MARCHF11: variants seen among roughly 807,000 people sequenced by gnomAD.
MARCHF11 encodes membrane associated ring-CH-type finger 11.
A neutral mutation model predicts 37.3 loss-of-function variants in MARCHF11; 29 were observed. The observed-to-expected ratio is 0.78, with a 90% CI of 0.58 to 1.06. The LOEUF (loss-of-function observed/expected upper bound fraction) is 1.06, where lower values mean the gene tolerates loss of function less well. MARCHF11 is among the 50% of genes least tolerant of loss of function. The pLI is 0.00. For missense variants in MARCHF11, 482 were observed against 533.4 expected (o/e 0.90, Z 0.95); for synonymous variants, 233 against 228.0 (o/e 1.02, Z -0.20).
intron 3 of MARCHF11, among the ~76,000 whole-genome samples, chr5:16,072,442 C>T (rs1237394750): frequency 1.3e-5 from 2 of 151,744 alleles, no homozygotes; most frequent in East Asian, 3.9e-4. Context: ...GAGCATGGGG[C>T]CTGCATGATG....
At chr5:16,131,002 G>A (rs1240269933) in intron 2 of MARCHF11, among the ~76,000 whole-genome samples, 4 of 152,100 alleles carry the variant, frequency 2.6e-5, no homozygotes, top group Non-Finnish European at 5.9e-5. Context: ...ATATTTACAC[G>A]TGCCTTTAAA....
chr5:16,117,994 G>A (rs1737248515), intron 2 of MARCHF11, among the ~76,000 whole-genome samples: 1 of 152,220 alleles, frequency 6.6e-6, no homozygotes, highest in Admixed American at 6.5e-5. Context: ...GAGGAACTAT[G>A]TTTGGGAGTT....
chr5:16,073,981 A>C (rs1171299990), intron 3 of MARCHF11, among the ~76,000 whole-genome samples: 2 of 152,230 alleles, frequency 1.3e-5, no homozygotes, highest in African/African-American at 4.8e-5. Flanking sequence ...ATTCTCCAAG[A>C]TAGACCATAT....
At chr5:16,114,276 T>A (rs1402088348) in intron 2 of MARCHF11, among the ~76,000 whole-genome samples, 1 of 152,216 alleles carries the variant, frequency 6.6e-6, no homozygotes, top group Admixed American at 6.5e-5. Context: ...ATATTTTATA[T>A]CGAGAGTATT....
At chr5:16,101,157 C>T (rs1280476245) in intron 2 of MARCHF11, among the ~76,000 whole-genome samples, 1 of 152,144 alleles carries the variant, frequency 6.6e-6, no homozygotes, top group Admixed American at 6.5e-5. Context: ...CATGTTATCT[C>T]CTATTTGACT....
chr5:16,099,083 T>A (rs180824695), intron 2 of MARCHF11, among the ~76,000 whole-genome samples: 323 of 152,080 alleles, frequency 2.1e-3, no homozygotes, highest in African/African-American at 7.2e-3. Flanking sequence ...ATTTTCTTTG[T>A]AAAAAGAGGA....
At chr5:16,178,069 A>G (rs907580095) in intron 1 of MARCHF11, among the ~76,000 whole-genome samples, 188 bp from the exon 2 acceptor site, 5 of 152,262 alleles carry the variant, frequency 3.3e-5, no homozygotes, top group Admixed American at 3.3e-4. Flanking sequence ...TTTCAAAGAC[A>G]TTGCTTAGAG....
At chr5:16,074,273 T>G (rs1736480117) in intron 3 of MARCHF11, among the ~76,000 whole-genome samples, 1 of 152,180 alleles carries the variant, frequency 6.6e-6, no homozygotes, top group Non-Finnish European at 1.5e-5. Context: ...GGAAAGTTCA[T>G]AGCATTAAAT....
chr5:16,116,464 C>A (rs1737228025), intron 2 of MARCHF11, among the ~76,000 whole-genome samples: 1 of 152,042 alleles, frequency 6.6e-6, no homozygotes, highest in Admixed American at 6.6e-5. Context: ...TCAGTGTTAC[C>A]CCCACCCTCT....
intron 3 of MARCHF11, 115 bp downstream of exon 3, chr5:16,090,774 A>C: frequency 1.4e-5 from 11 of 759,470 alleles, no homozygotes; most frequent in Non-Finnish European, 1.9e-5. Context: ...CATTAACAGG[A>C]GAACTGAGAT....
At chr5:16,158,384 GATGA>G (rs1738014310) in intron 2 of MARCHF11, among the ~76,000 whole-genome samples, 1 of 151,920 alleles carries the variant, frequency 6.6e-6, no homozygotes, top group African/African-American at 2.4e-5. Context: ...TTCATCAACA[GATGA>G]ATGAATAAAG....
chr5:16,174,816 T>C (rs982263125), intron 2 of MARCHF11, among the ~76,000 whole-genome samples: 4 of 152,082 alleles, frequency 2.6e-5, no homozygotes, highest in African/African-American at 7.2e-5. Flanking sequence ...CTAACTCCTA[T>C]GGGGGATAAA....
intron 2 of MARCHF11, among the ~76,000 whole-genome samples, chr5:16,106,979 T>C (rs1737051736): frequency 6.6e-6 from 1 of 152,186 alleles, no homozygotes. Flanking sequence ...AGGTGGCCCA[T>C]TACTCATGGA....
intron 2 of MARCHF11, among the ~76,000 whole-genome samples, chr5:16,176,409 A>T (rs1204049981): frequency 6.6e-6 from 1 of 152,208 alleles, no homozygotes; most frequent in Non-Finnish European, 1.5e-5. Flanking sequence ...TTTCAAGACA[A>T]CTATGATGGA....
In MARCHF11 at chr5:16,067,322, A is replaced by T. The variant is rs6554909; in HGVS notation, c.*149T>A. The T allele has an allele frequency of 0.022, 14,702 of 682,944 alleles. 1,337 individuals carry two copies. In the African/African-American group the frequency reaches 0.22, roughly 10 times the overall value. 42.3% of individuals were successfully genotyped at this position (682,944 alleles called of 1,614,324 possible). The stretch of plus-strand genomic sequence containing the variant: ...CAAGAGGACTCTTTTTCTCAGAAAA[A>T]TGTATTTGCAATTCAAATGTTCATA... On this transcript the variant is annotated 3_prime_UTR_variant, in exon 4 of 4. Transcript: ENST00000332432.
At chr5:16,091,183 T>C (rs754459306) in intron 2 of MARCHF11, 102 bp from the exon 3 acceptor site, 2 of 876,590 alleles carry the variant, frequency 2.3e-6, no homozygotes, top group Admixed American at 7.1e-5. Context: ...GTTAGACCCT[T>C]TGAAATCTGA....
At position 16,177,773 on chromosome 5, in the gene MARCHF11, A is replaced by G; in HGVS notation, c.646T>C (p.Cys216Arg). Residue 216 changes from cysteine (C) to arginine (R), a missense_variant, in exon 2 of 4, where the codon TGT becomes CGT. Cys to Arg is a radical substitution (Grantham distance 180). Transcript: ENST00000332432. ...ERGSWTCELC[C>R]YRYHVIAIKM... ...ATGGCTATAACATGGTATCTATAAC[A>G]GCAAAGTTCACAGGTCCAGGAACCT... 6.2e-7 allele frequency: 1 copy of G among 1,613,858 alleles called. No homozygotes were observed. Among genetic ancestry groups the G allele is most frequent in the Non-Finnish European group, 8.5e-7 (1 of 1,179,832 alleles).
chr5:16,112,392 G>A (rs888596022), intron 2 of MARCHF11, among the ~76,000 whole-genome samples: 2 of 152,206 alleles, frequency 1.3e-5, no homozygotes, highest in African/African-American at 4.8e-5. Context: ...GAGACATGAA[G>A]TCAAAGGAGA....
At chr5:16,163,372 G>GA (rs1419109381) in intron 2 of MARCHF11, among the ~76,000 whole-genome samples, 2 of 151,724 alleles carry the variant, frequency 1.3e-5, no homozygotes, top group Non-Finnish European at 2.9e-5. Context: ...TCCATCTAGG[G>GA]ATTAAAAAAA....
Sources: allele counts gnomAD v4.1 joint callset (sites outside exome capture counted in the v4.1 genomes callset), GRCh38; gene constraint gnomAD v4.1.1; transcripts MANE v1.5; gene names NCBI Gene and HGNC (gene_info 2026-07-23, HGNC 2026-07-21).